SFRP5: variants seen among roughly 807,000 people sequenced by gnomAD.
The protein encoded by SFRP5 is secreted frizzled-related protein 5.
In SFRP5, 22 loss-of-function variants were observed where a neutral mutation model predicts 27.0. The ratio of observed to expected loss-of-function variants is 0.82; its 90% confidence interval spans 0.58 to 1.17. The LOEUF is 1.17. SFRP5 is among the 50% of genes most tolerant of loss of function. The pLI is 0.00. For missense variants in SFRP5, 406 were observed against 436.6 expected, an observed-to-expected ratio of 0.93 and a Z score of 0.63; for synonymous variants, 171 against 195.0, an observed-to-expected ratio of 0.88 and a Z score of 1.03.
Position 97,767,880 on chromosome 10 carries a change from G to A in SFRP5, c.608-20C>T. 2.0e-6 allele frequency: 3 copies of A among 1,504,654 alleles called. No homozygotes were observed. The highest frequency in any genetic ancestry group is 2.7e-6 in the Non-Finnish European group (3 of 1,122,088). 93.2% of individuals were successfully genotyped at this position (1,504,654 alleles called of 1,614,324 possible). The stretch of plus-strand genomic sequence containing the variant: ...TGACCACTGTGGGAAGAAAGGACAG[G>A]GGCAAGTTGGGAATGGTCAGATCTG... On this transcript the variant is annotated intron_variant, in intron 2 of 2. Coordinates refer to ENST00000266066, the MANE Select transcript of SFRP5 (RefSeq NM_003015.3).
At position 97,771,810 on chromosome 10, in the gene SFRP5, C is replaced by T. The variant is rs753591291; in HGVS notation, c.24G>A (p.Gly8=). 2 of 1,131,732 alleles carry T rather than the reference C, an allele frequency of 1.8e-6. No individual in the cohort carries two copies. Among genetic ancestry groups the T allele is most frequent in the Non-Finnish European group, 1.1e-6 (1 of 911,050 alleles). 70.1% of individuals were successfully genotyped at this position (1,131,732 alleles called of 1,614,324 possible). Residue 8 remains glycine, a synonymous_variant, in exon 1 of 3, where the codon GGG becomes GGA. Transcript: ENST00000266066. The surrounding 1 kb of genome is among the most constrained non-coding windows in gnomAD (Gnocchi z 5.2). MRAAAAG[G]GVRTAALALL... ...GCGCCAGCGCGGCCGTCCGCACGCC[C>T]CCCCCCGCCGCCGCCGCCCGCATGG...
In SFRP5 at chr10:97,769,669, A is replaced by G; in HGVS notation, c.606T>C (p.Phe202=). ...GLMEQMCSSD[F]VVKMRIKEIK... is the part of the protein sequence containing the mutation. Reference sequence around the variant, plus strand: ...TGGCAGCGTGGGCCCCACACTCACCAAAGTCACTGGAGCACATCTGCTCCA... The same window carrying G: ...TGGCAGCGTGGGCCCCACACTCACCGAAGTCACTGGAGCACATCTGCTCCA... The change falls in exon 2 of 3, where the codon TTT becomes TTC. Residue 202 remains phenylalanine, a splice_region_variant and synonymous_variant. Coordinates refer to ENST00000266066, the MANE Select transcript of SFRP5 (RefSeq NM_003015.3). 2 of 1,609,782 alleles carry G rather than the reference A, an allele frequency of 1.2e-6. No individual in the cohort carries two copies. Among genetic ancestry groups the G allele is most frequent in the South Asian group, 2.2e-5 (2 of 90,526 alleles).
In SFRP5 at chr10:97,771,043, G is replaced by A. The variant is rs1282911888; in HGVS notation, c.529+262C>T. Among the ~76,000 whole-genome samples, 1 of 152,158 alleles carries A rather than the reference G, an allele frequency of 6.6e-6. No individual in the cohort carries two copies. ...AGCTTGGTTGGATGGGTACTGAGAG[G>A]GGTGCCAGGGGTTTCCAGGGAACGA... is the stretch of plus-strand genomic sequence containing the variant. On this transcript the variant is annotated intron_variant, in intron 1 of 2. Coordinates refer to ENST00000266066, the MANE Select transcript of SFRP5 (RefSeq NM_003015.3). The surrounding 1 kb of genome is among the most constrained non-coding windows in gnomAD (Gnocchi z 5.2).
At chr10:97,768,583 TGAGA>T (rs778867322) in intron 2 of SFRP5, among the ~76,000 whole-genome samples, 10 of 152,096 alleles carry the variant, frequency 6.6e-5, no homozygotes, top group Non-Finnish European at 7.4e-5. Flanking sequence ...TGTATGTGTG[TGAGA>T]GAGAGATTGT....
intron 2 of SFRP5, among the ~76,000 whole-genome samples, chr10:97,768,961 T>TACA (rs2049500714): frequency 6.6e-6 from 1 of 152,184 alleles, no homozygotes; most frequent in Admixed American, 6.5e-5. Context: ...GACACACACA[T>TACA]ACACCCCTTG....
In SFRP5 at chr10:97,767,851, A is replaced by G. The variant is rs1419678538; in HGVS notation, c.617T>C (p.Met206Thr). Residue 206 changes from methionine (M) to threonine (T), a missense_variant, in exon 3 of 3, where the codon ATG (methionine) becomes ACG (threonine). Transcript: ENST00000266066. ...CTCTATCTTGATCTCCTTGATGCGCATTTTGACCACTGTGGGAAGAAAGGA... is the reference window on the plus strand; with the variant it reads ...CTCTATCTTGATCTCCTTGATGCGCGTTTTGACCACTGTGGGAAGAAAGGA... ...QMCSSDFVVK[M>T]RIKEIKIENG... is the part of the protein sequence containing the mutation. The G allele has an allele frequency of 6.6e-7, 1 of 1,523,682 alleles. No individual in the cohort carries two copies. Among genetic ancestry groups the G allele is most frequent in the Non-Finnish European group, 8.8e-7 (1 of 1,138,642 alleles). 94.4% of individuals were successfully genotyped at this position (1,523,682 alleles called of 1,614,324 possible). A position where few individuals can be genotyped will look rare whatever the true frequency, so the allele number is the denominator to read the frequency against.
chr10:97,771,407 C>G lies in SFRP5; in HGVS notation c.427G>C (p.Gly143Arg). 2.5e-6 allele frequency: 4 copies of G among 1,612,972 alleles called. No homozygotes were observed. Among genetic ancestry groups the G allele is most frequent in the Non-Finnish European group, 3.4e-6 (4 of 1,179,562 alleles). Residue 143 changes from glycine (G) to arginine (R), a missense_variant, in exon 1 of 3, where the codon GGC becomes CGC. Transcript: ENST00000266066. This position sits in a 1 kb window ranked among gnomAD's most constrained non-coding sequence, Gnocchi z 5.2. ...AGCAPLMEAY[G>R]FPWPEMLHCH... ...TGCAGCATCTCAGGCCAGGGGAAGC[C>G]GTAGGCCTCCATGAGCGGCGCGCAG...
In SFRP5 at chr10:97,771,666, G is replaced by A; in HGVS notation, c.168C>T (p.Ile56=). The change falls in exon 1 of 3, where the codon ATC becomes ATT. Residue 56 remains isoleucine, a synonymous_variant. Transcript: ENST00000266066. This position sits in a 1 kb window ranked among gnomAD's most constrained non-coding sequence, Gnocchi z 5.2. The part of the protein sequence containing the change: ...SYSKPPQCLD[I]PADLPLCHTV... ...TGTGGCAGAGCGGCAGGTCGGCAGG[G>A]ATGTCAAGGCACTGCGGCGGCTTGG... 6.2e-7 allele frequency: 1 copy of A among 1,603,130 alleles called. No homozygotes were observed. Among genetic ancestry groups the A allele is most frequent in the Non-Finnish European group, 8.5e-7 (1 of 1,179,664 alleles).
Position 97,771,311 on chromosome 10 carries a change from G to A in SFRP5, c.523C>T (p.Pro175Ser). ...VQFGHLPATAPPVTKICAQCE... is the reference protein window; with the variant it reads ...VQFGHLPATASPVTKICAQCE... Reference sequence around the variant, plus strand: ...ACGGCGGCGGCGGCGCTACCTGGAGGCGCGGTGGCGGGCAGGTGCCCGAAC... The same window carrying A: ...ACGGCGGCGGCGGCGCTACCTGGAGACGCGGTGGCGGGCAGGTGCCCGAAC... The change falls in exon 1 of 3, where the codon CCT becomes TCT. Residue 175 changes from proline to serine, a missense_variant. Coordinates refer to ENST00000266066, the MANE Select transcript of SFRP5 (RefSeq NM_003015.3). This position sits in a 1 kb window ranked among gnomAD's most constrained non-coding sequence, Gnocchi z 5.2. 6.4e-7 allele frequency: 1 copy of A among 1,569,192 alleles called. No individual in the cohort carries two copies. The highest frequency in any genetic ancestry group is 1.4e-5 in the African/African-American group (1 of 73,442).
In SFRP5 at chr10:97,771,187, C is replaced by CGTGTGT. The variant is rs112460945; in HGVS notation, c.529+112_529+117dup. 33 of 549,748 alleles carry CGTGTGT rather than the reference C, an allele frequency of 6.0e-5. No individual in the cohort carries two copies. Among genetic ancestry groups the CGTGTGT allele is most frequent in the African/African-American group, 3.8e-4 (17 of 44,342 alleles). The allele number at this position is 549,748 out of a possible 1,614,324, so 34.1% of individuals were successfully genotyped here. On this transcript the variant is annotated intron_variant, in intron 1 of 2. Coordinates refer to ENST00000266066, the MANE Select transcript of SFRP5 (RefSeq NM_003015.3). The surrounding 1 kb of genome is among the most constrained non-coding windows in gnomAD (Gnocchi z 5.2). ...GGGACGCTGGGCTGAGCTAGGACAGCGTGTGTGTGTGTGTGTGGGCGGAGG... is the reference window on the plus strand; with the variant it reads ...GGGACGCTGGGCTGAGCTAGGACAGCGTGTGTGTGTGTGTGTGTGTGTGGGCGGAGG...
chr10:97,771,385 A>T lies in SFRP5; in HGVS notation c.449T>A (p.Leu150Gln). 1 of 1,612,540 alleles carries T rather than the reference A, an allele frequency of 6.2e-7. No homozygotes were observed. The highest frequency in any genetic ancestry group is 1.7e-5 in the Admixed American group (1 of 59,960). ...GTCCAGGGGGAACTTGTGGCAGTGC[A>T]GCATCTCAGGCCAGGGGAAGCCGTA... ...EAYGFPWPEM[L>Q]HCHKFPLDND... The change falls in exon 1 of 3, where the codon CTG (leucine) becomes CAG (glutamine). Residue 150 changes from leucine (L) to glutamine (Q), a missense_variant. Transcript: ENST00000266066. The surrounding 1 kb of genome is among the most constrained non-coding windows in gnomAD (Gnocchi z 5.2).
In SFRP5 at chr10:97,769,722, C is replaced by T; in HGVS notation, c.553G>A (p.Glu185Lys). 6.2e-7 allele frequency: 1 copy of T among 1,613,654 alleles called. No homozygotes were observed. Among genetic ancestry groups the T allele is most frequent in the Non-Finnish European group, 8.5e-7 (1 of 1,179,816 alleles). Residue 185 changes from glutamate (E) to lysine (K), a missense_variant, in exon 2 of 3, where the codon GAG (glutamate) becomes AAG (lysine). By Grantham distance (56) the Glu-to-Lys change is moderately conservative. Transcript: ENST00000266066. ...AGGCCGTCAGCACTGTGCTCCATCT[C>T]ACACTGGGCGCAGATCTTGGTCACT... ...PPVTKICAQCEMEHSADGLME... is the reference protein window; with the variant it reads ...PPVTKICAQCKMEHSADGLME...
intron 2 of SFRP5, among the ~76,000 whole-genome samples, chr10:97,769,023 G>A (rs900778777): frequency 6.6e-6 from 1 of 152,190 alleles, no homozygotes; most frequent in African/African-American, 2.4e-5. Context: ...AGACTCCTCT[G>A]AAGAAAGGAC....
Position 97,767,856 on chromosome 10 carries a change from G to A in SFRP5, c.612C>T (p.Val204=), listed in dbSNP as rs769764844. 1.7e-5 allele frequency: 26 copies of A among 1,523,070 alleles called. No individual in the cohort carries two copies. In the East Asian group the frequency reaches 2.3e-4, roughly 13 times the overall value. The allele number at this position is 1,523,070 out of a possible 1,614,324, so 94.3% of individuals were successfully genotyped here. A position where few individuals can be genotyped will look rare whatever the true frequency, so the allele number is the denominator to read the frequency against. ...TCTTGATCTCCTTGATGCGCATTTT[G>A]ACCACTGTGGGAAGAAAGGACAGGG... is the stretch of plus-strand genomic sequence containing the variant. ...MEQMCSSDFV[V]KMRIKEIKIE... is the part of the protein sequence containing the mutation. Residue 204 remains valine (V), a synonymous_variant, in exon 3 of 3, where the codon GTC becomes GTT. Transcript: ENST00000266066.
At position 97,771,369 on chromosome 10, in the gene SFRP5, G is replaced by T; in HGVS notation, c.465C>A (p.Phe155Leu). The T allele has an allele frequency of 2.5e-6, 4 of 1,611,540 alleles. No homozygotes were observed. The highest frequency in any genetic ancestry group is 3.4e-6 in the Non-Finnish European group (4 of 1,179,008). Residue 155 changes from phenylalanine to leucine, a missense_variant, in exon 1 of 3, where the codon TTC becomes TTA. Physicochemically the swap from Phe to Leu is conservative, Grantham distance 22. Transcript: ENST00000266066. This position sits in a 1 kb window ranked among gnomAD's most constrained non-coding sequence, Gnocchi z 5.2. ...CGATGCAGAGGTCGTTGTCCAGGGGGAACTTGTGGCAGTGCAGCATCTCAG... is the reference window on the plus strand; with the variant it reads ...CGATGCAGAGGTCGTTGTCCAGGGGTAACTTGTGGCAGTGCAGCATCTCAG... ...PWPEMLHCHKFPLDNDLCIAV... is the reference protein window; with the variant it reads ...PWPEMLHCHKLPLDNDLCIAV...
intron 2 of SFRP5, among the ~76,000 whole-genome samples, chr10:97,768,835 C>G (rs2049499806): frequency 6.6e-6 from 1 of 152,038 alleles, no homozygotes; most frequent in East Asian, 1.9e-4. Flanking sequence ...CTTCTGGGCC[C>G]CCATCTCTGT....
rs1315457879 is a variant in SFRP5, at chr10:97,767,729, T to C, written c.739A>G (p.Met247Val). 8 of 1,612,286 alleles carry C rather than the reference T, an allele frequency of 5.0e-6. No individual in the cohort carries two copies. The highest frequency in any genetic ancestry group is 2.2e-5 in the East Asian group (1 of 44,866). ...CAGGGGCAGCCCGCGCCATTCTTCA[T>C]GTGCAGCACCAGCCGCTTGGTGTCC... ...RKDTKRLVLH[M>V]KNGAGCPCPQ... is the part of the protein sequence containing the mutation. Residue 247 changes from methionine (M) to valine (V), a missense_variant, in exon 3 of 3, where the codon ATG becomes GTG. Physicochemically the swap from Met to Val is conservative, Grantham distance 21. Transcript: ENST00000266066.
rs1032728124 is a variant in SFRP5, at chr10:97,767,230, C to T, written c.*284G>A. On this transcript the variant is annotated 3_prime_UTR_variant, in exon 3 of 3. Coordinates refer to ENST00000266066, the MANE Select transcript of SFRP5 (RefSeq NM_003015.3). ...CTCCGCCTCAGGGTGCCCTGAGCCC[C>T]TCCACCTTTCCCTTACCCTCTCCTC... 3.0e-6 allele frequency: 1 copy of T among 331,718 alleles called. No homozygotes were observed. The highest frequency in any genetic ancestry group is 5.5e-6 in the Non-Finnish European group (1 of 182,778). The allele number at this position is 331,718 out of a possible 1,614,324, so 20.5% of individuals were successfully genotyped here.
rs7478323 is a variant in SFRP5 at position 97,767,186 on chromosome 10, C to T, written c.*328G>A. 147,086 of 223,846 alleles carry T rather than the reference C, an allele frequency of 0.66. 51,415 individuals carry two copies. The highest frequency in any genetic ancestry group is 0.76 in the Non-Finnish European group (87,776 of 114,992). 13.9% of individuals were successfully genotyped at this position (223,846 alleles called of 1,614,324 possible). A position where few individuals can be genotyped will look rare whatever the true frequency, so the allele number is the denominator to read the frequency against. ...CGACAGAGGGGAGCTGGAGCTGACA[C>T]CACCTTCTACTCTGAAACCTCCGCC... On this transcript the variant is annotated 3_prime_UTR_variant, in exon 3 of 3. Transcript: ENST00000266066.
Sources: gnomAD v4.1 joint callset for allele counts (sites outside exome capture counted in the v4.1 genomes callset) on GRCh38, gnomAD v4.1.1 for gene constraint, Gnocchi (gnomAD v3.1) non-coding constraint, MANE v1.5 for transcripts, NCBI Gene and HGNC (gene_info 2026-07-23, HGNC 2026-07-21) for gene names.